The following ADGRL3 variants were observed in gnomAD, a reference collection of about 807,000 sequenced individuals.
The protein encoded by ADGRL3 is calcium-independent alpha-latrotoxin receptor 3.
In ADGRL3, 62 loss-of-function variants were observed where a neutral mutation model predicts 153.5. The observed-to-expected ratio is 0.40, with a 90% CI of 0.33 to 0.50. ADGRL3 has a LOEUF of 0.50. ADGRL3 is among the 20% of genes least tolerant of loss of function. The probability of loss-of-function intolerance (pLI) is 0.47; values close to 1 mark genes in which losing one functional copy is unlikely to be tolerated. For synonymous variants in ADGRL3, 710 were observed against 672.5 expected (o/e 1.06, Z -0.86); for missense variants, 1,641 against 1,859.4 (o/e 0.88, Z 2.16).
chr4:61,987,324 C>T (rs924693052), intron 19 of ADGRL3, among the ~76,000 whole-genome samples: 32 of 151,876 alleles, frequency 2.1e-4, no homozygotes, highest in Non-Finnish European at 3.8e-4. Context: ...CAGGCATGCA[C>T]CACCACGCCC....
intron 21 of ADGRL3, among the ~76,000 whole-genome samples, chr4:62,019,979 A>T (rs901289012): frequency 6.6e-5 from 10 of 152,126 alleles, no homozygotes; most frequent in African/African-American, 2.2e-4. Context: ...AATTAAATAA[A>T]CCTTGCCTGC....
intron 15 of ADGRL3, among the ~76,000 whole-genome samples, chr4:61,937,430 T>A (rs1485131951): frequency 2.0e-5 from 3 of 151,536 alleles, no homozygotes; most frequent in Non-Finnish European, 2.9e-5. Flanking sequence ...TTTTTAAACC[T>A]TTCTTCTTAG....
intron 9 of ADGRL3, among the ~76,000 whole-genome samples, chr4:61,883,596 G>A (rs1242515969): frequency 2.0e-5 from 3 of 152,008 alleles, no homozygotes; most frequent in Admixed American, 6.6e-5. Flanking sequence ...AGGTTACATC[G>A]CTTTTAAATG....
At chr4:61,973,531 AT>A (rs2099036979) in intron 17 of ADGRL3, among the ~76,000 whole-genome samples, 1 of 152,172 alleles carries the variant, frequency 6.6e-6, no homozygotes, top group South Asian at 2.1e-4. Flanking sequence ...CTGAAAAACA[AT>A]TATTGTTTGT....
chr4:61,758,164 C>T (rs767978974), intron 8 of ADGRL3, among the ~76,000 whole-genome samples: 1 of 152,146 alleles, frequency 6.6e-6, no homozygotes, highest in Non-Finnish European at 1.5e-5. Flanking sequence ...TCCTGGAAAT[C>T]CCTGTTAACC....
intron 1 of ADGRL3, among the ~76,000 whole-genome samples, chr4:61,360,182 T>A (rs1043185334): frequency 6.6e-6 from 1 of 152,154 alleles, no homozygotes. Context: ...GATAATAATC[T>A]ATGCTTGATG....
At chr4:61,995,988 A>G (rs969084770) in intron 19 of ADGRL3, among the ~76,000 whole-genome samples, 3 of 152,092 alleles carry the variant, frequency 2.0e-5, no homozygotes, top group African/African-American at 7.2e-5. Flanking sequence ...GGCTATGTGT[A>G]TGGCTTTTTC....
intron 4 of ADGRL3, among the ~76,000 whole-genome samples, chr4:61,528,526 A>G (rs1218443916): frequency 1.3e-5 from 2 of 152,072 alleles, no homozygotes; most frequent in African/African-American, 4.8e-5. Flanking sequence ...GATTTTGGAG[A>G]TACGTGCCAC....
At chr4:61,522,798 C>T (rs9917973) in intron 4 of ADGRL3, among the ~76,000 whole-genome samples, 3,311 of 152,158 alleles carry the variant, frequency 0.022, 110 homozygotes, top group East Asian at 0.15. Context: ...ATCACATCAC[C>T]TCACGTCTTA....
intron 2 of ADGRL3, among the ~76,000 whole-genome samples, chr4:61,466,399 T>C (rs1579022014): frequency 6.6e-6 from 1 of 152,204 alleles, no homozygotes; most frequent in Non-Finnish European, 1.5e-5. Flanking sequence ...TTTTGTATTA[T>C]TAGTATTTAA....
intron 19 of ADGRL3, among the ~76,000 whole-genome samples, chr4:61,986,543 T>C (rs1220042063): frequency 3.9e-5 from 6 of 152,176 alleles, no homozygotes; most frequent in African/African-American, 1.4e-4. Context: ...TTTACTGACA[T>C]TATTGCTGTG....
At chr4:61,932,794 C>G (rs1360650869) in intron 13 of ADGRL3, among the ~76,000 whole-genome samples, 5 of 152,114 alleles carry the variant, frequency 3.3e-5, no homozygotes, top group African/African-American at 1.2e-4. Context: ...ACCAGTGAAG[C>G]TATCTGATCC....
intron 6 of ADGRL3, among the ~76,000 whole-genome samples, chr4:61,718,763 A>G (rs982810782): frequency 6.6e-6 from 1 of 151,986 alleles, no homozygotes; most frequent in East Asian, 1.9e-4. Context: ...TCTTTTTATG[A>G]CCCTTCTACA....
chr4:61,923,017 T>C lies in ADGRL3; in HGVS notation c.2112+10260T>C, dbSNP rs533798748. On this transcript the variant is annotated intron_variant, in intron 13 of 26. Coordinates refer to ENST00000683033, the MANE Select transcript of ADGRL3 (RefSeq NM_001387552.1). ...AAGGAAGTGATAGGCAATTCAGCAA[T>C]GTGACTACCTGGAGAAGAGCATTCC... 2.0e-5 allele frequency among the ~76,000 whole-genome samples: 3 copies of C among 152,274 alleles called. No individual in the cohort carries two copies. In the East Asian group the frequency reaches 5.8e-4, roughly 29 times the overall value.
At chr4:61,988,934 G>T (rs2099094895) in intron 19 of ADGRL3, among the ~76,000 whole-genome samples, 1 of 151,824 alleles carries the variant, frequency 6.6e-6, no homozygotes, top group Non-Finnish European at 1.5e-5. Context: ...AAAAATAATT[G>T]AAATCAAATT....
chr4:61,597,305 T>A (rs538534469), intron 5 of ADGRL3, among the ~76,000 whole-genome samples: 2 of 152,114 alleles, frequency 1.3e-5, no homozygotes, highest in Non-Finnish European at 2.9e-5. Flanking sequence ...GAAGGAGAGA[T>A]AGTTGTTACG....
intron 2 of ADGRL3, among the ~76,000 whole-genome samples, chr4:61,442,869 G>A (rs2097542298): frequency 1.3e-5 from 2 of 152,044 alleles, no homozygotes; most frequent in Admixed American, 1.3e-4. Flanking sequence ...TCCTTTCCAA[G>A]CATGGAAGGC....
chr4:61,977,043 G>C (rs1019372545), intron 17 of ADGRL3, among the ~76,000 whole-genome samples: 1 of 152,104 alleles, frequency 6.6e-6, no homozygotes, highest in African/African-American at 2.4e-5. Flanking sequence ...CTATGTTTGA[G>C]AGTTACAAAT....
intron 24 of ADGRL3, 48 bp downstream of exon 24, chr4:62,037,904 G>GTAAGAAGTAATTCTTAAC (rs1211196570): frequency 1.2e-6 from 2 of 1,606,718 alleles, no homozygotes; most frequent in African/African-American, 2.7e-5. Flanking sequence ...AACTATACCA[G>GTAAGAAGTAATTCTTAAC]TTACTGTCCC....
Sources: gnomAD v4.1 joint callset for allele counts (sites outside exome capture counted in the v4.1 genomes callset) on GRCh38, gnomAD v4.1.1 for gene constraint, MANE v1.5 for transcripts, NCBI Gene and HGNC (gene_info 2026-07-23, HGNC 2026-07-21) for gene names.